COL15A1: variants seen among roughly 807,000 people sequenced by gnomAD.
COL15A1 encodes collagen alpha-1(XV) chain.
COL15A1 carries 111 observed loss-of-function variants against 165.9 expected under a neutral mutation model. The observed-to-expected ratio is 0.67, with a 90% CI of 0.57 to 0.78. The LOEUF is 0.78. COL15A1 is among the 30% of genes least tolerant of loss of function. The pLI is 0.00. For missense variants in COL15A1, 1,745 were observed against 1,789.7 expected, an observed-to-expected ratio of 0.98 and a Z score of 0.45; for synonymous variants, 659 against 674.8, an observed-to-expected ratio of 0.98 and a Z score of 0.36.
At chr9:99,022,633 C>G (rs1470404341) in intron 13 of COL15A1, among the ~76,000 whole-genome samples, 2 of 152,188 alleles carry the variant, frequency 1.3e-5, no homozygotes, top group Non-Finnish European at 2.9e-5. Flanking sequence ...CTTCCCTTCC[C>G]CCACACACAT....
At chr9:98,976,622 C>T (rs1164531032) in intron 2 of COL15A1, among the ~76,000 whole-genome samples, 1 of 152,172 alleles carries the variant, frequency 6.6e-6, no homozygotes. Flanking sequence ...GTGACTCTCA[C>T]CAGGGCCTCA....
At chr9:99,025,251 A>C (rs1011551806) in intron 15 of COL15A1, among the ~76,000 whole-genome samples, 1 of 152,220 alleles carries the variant, frequency 6.6e-6, no homozygotes, top group African/African-American at 2.4e-5. Flanking sequence ...CCCCCTACTT[A>C]CGAATGGTTC....
At chr9:98,973,650 A>G (rs962194935) in intron 2 of COL15A1, among the ~76,000 whole-genome samples, 1 of 152,176 alleles carries the variant, frequency 6.6e-6, no homozygotes, top group African/African-American at 2.4e-5. Flanking sequence ...CTGAGTTTCC[A>G]CACAGGCAGA....
chr9:99,042,069 A>G lies in COL15A1; in HGVS notation c.2536A>G (p.Thr846Ala), dbSNP rs780976487. ...GGGTCCTAGAGGACCAAAAGGTGAC[A>G]CTGGTTTACCTGGCTTTCCAGGACT... ...FPGPRGPKGD[T>A]GLPGFPGLKG... is the part of the protein sequence containing the mutation. Residue 846 changes from threonine (T) to alanine (A), a missense_variant, in exon 24 of 42, where the codon ACT (threonine) becomes GCT (alanine). Physicochemically the swap from Thr to Ala is moderately conservative, Grantham distance 58. Transcript: ENST00000375001. The G allele has an allele frequency of 3.7e-6, 6 of 1,612,230 alleles. No homozygotes were observed. Among genetic ancestry groups the G allele is most frequent in the Non-Finnish European group, 5.1e-6 (6 of 1,178,808 alleles).
intron 13 of COL15A1, among the ~76,000 whole-genome samples, chr9:99,023,061 A>T (rs1020072140): frequency 9.9e-5 from 15 of 152,134 alleles, no homozygotes; most frequent in African/African-American, 3.6e-4. Flanking sequence ...GAAACGGGGT[A>T]GGGAGGGCTT....
intron 2 of COL15A1, among the ~76,000 whole-genome samples, 165 bp downstream of exon 2, chr9:98,944,415 G>A (rs1837542196): frequency 6.6e-6 from 1 of 152,258 alleles, no homozygotes; most frequent in Non-Finnish European, 1.5e-5. Context: ...CCTCCTGGCA[G>A]TGCAGGGGTT....
chr9:99,060,938 A>T (rs1449302090), intron 36 of COL15A1, among the ~76,000 whole-genome samples: 1 of 152,194 alleles, frequency 6.6e-6, no homozygotes, highest in Non-Finnish European at 1.5e-5. Context: ...ATGTTACAAC[A>T]GGTCCTTGTG....
In COL15A1 at chr9:98,944,057, G is replaced by A; in HGVS notation, c.-5G>A. 1 of 1,614,042 alleles carries A rather than the reference G, an allele frequency of 6.2e-7. No individual in the cohort carries two copies. The highest frequency in any genetic ancestry group is 1.3e-5 in the African/African-American group (1 of 75,062). On this transcript the variant is annotated 5_prime_UTR_variant, in exon 1 of 42. Transcript: ENST00000375001. Reference sequence around the variant, plus strand: ...GCGCCTTCCGGGGCTCCGCAGACCCGCGAGATGGCACCAAGGTAAGACCCG... The same window carrying A: ...GCGCCTTCCGGGGCTCCGCAGACCCACGAGATGGCACCAAGGTAAGACCCG...
At chr9:99,023,228 C>T (rs1564063240) in intron 13 of COL15A1, 129 bp from the exon 14 acceptor site, 5 of 1,177,664 alleles carry the variant, frequency 4.2e-6, no homozygotes, top group Non-Finnish European at 5.7e-6. Flanking sequence ...AGAGAGAAAA[C>T]GGGGAGCAGA....
chr9:98,993,546 G>A (rs1307604711), intron 5 of COL15A1, among the ~76,000 whole-genome samples: 1 of 152,184 alleles, frequency 6.6e-6, no homozygotes, highest in Non-Finnish European at 1.5e-5. Context: ...TCTTCCACAT[G>A]CTTCCATTTC....
At chr9:99,023,567 G>T in intron 14 of COL15A1, 118 bp downstream of exon 14, 2 of 606,270 alleles carry the variant, frequency 3.3e-6, no homozygotes, top group Non-Finnish European at 6.1e-6. Context: ...GGGGTTGCCG[G>T]CAGTGAGCTC....
At chr9:98,995,289 G>A (rs1838524103) in intron 5 of COL15A1, among the ~76,000 whole-genome samples, 1 of 152,094 alleles carries the variant, frequency 6.6e-6, no homozygotes, top group South Asian at 2.1e-4. Context: ...GGTGCCTGCT[G>A]TCTGCTCCCA....
chr9:99,047,853 T>A lies in COL15A1; in HGVS notation c.2733+14T>A, dbSNP rs765669387. On this transcript the variant is annotated intron_variant, in intron 27 of 41. Coordinates refer to ENST00000375001, the MANE Select transcript of COL15A1 (RefSeq NM_001855.5). ...CCCGGGCGACCTGTAGGTATCAGTG[T>A]TCATTGGACAGGCTGGAGGGGGAGG... 9.3e-6 allele frequency: 15 copies of A among 1,613,466 alleles called. No individual in the cohort carries two copies. The highest frequency in any genetic ancestry group is 4.4e-5 in the South Asian group (4 of 91,044).
At position 99,016,045 on chromosome 9, in the gene COL15A1, G is replaced by A; in HGVS notation, c.1573G>A (p.Glu525Lys). Residue 525 changes from glutamate to lysine, a missense_variant, in exon 11 of 42, where the codon GAG (glutamate) becomes AAG (lysine). Physicochemically the swap from Glu to Lys is moderately conservative, Grantham distance 56. Transcript: ENST00000375001. ...GCCCCTCATCACAGCTGGGGGTGAA[G>A]AGTCCGGCAGCCCTCCCCCTGATGG... The part of the protein sequence containing the change: ...EEPLITAGGE[E>K]SGSPPPDGPP... 1 of 1,614,034 alleles carries A rather than the reference G, an allele frequency of 6.2e-7. No individual in the cohort carries two copies. The highest frequency in any genetic ancestry group is 8.5e-7 in the Non-Finnish European group (1 of 1,179,920).
At chr9:98,944,387 C>T (rs1241802944) in intron 2 of COL15A1, 137 bp downstream of exon 2, 3 of 876,050 alleles carry the variant, frequency 3.4e-6, no homozygotes, top group African/African-American at 3.3e-5. Flanking sequence ...TGCGCACTGG[C>T]GGTCCCGCGG....
chr9:98,946,979 C>T (rs552985232), intron 2 of COL15A1, among the ~76,000 whole-genome samples: 28 of 152,168 alleles, frequency 1.8e-4, no homozygotes, highest in East Asian at 3.8e-4. Context: ...ATGTTCCCAA[C>T]GATTTGGCAG....
chr9:99,037,970 C>T (rs917991993), intron 21 of COL15A1, among the ~76,000 whole-genome samples: 1 of 152,060 alleles, frequency 6.6e-6, no homozygotes. Context: ...GGAATGTGGG[C>T]TGGGACCAGA....
Position 99,055,026 on chromosome 9 carries a change from G to C in COL15A1, c.3032-76G>C, listed in dbSNP as rs1377238774. 4.0e-6 allele frequency: 5 copies of C among 1,253,670 alleles called. No individual in the cohort carries two copies. The African/African-American group carries it at 7.4e-5, about 19-fold the overall frequency. The allele number at this position is 1,253,670 out of a possible 1,614,324, so 77.7% of individuals were successfully genotyped here. A position where few individuals can be genotyped will look rare whatever the true frequency, so the allele number is the denominator to read the frequency against. The stretch of plus-strand genomic sequence containing the variant: ...TCACATCCACTAAGATGTAACTGTG[G>C]TTGCCAACTTAGAGACTTTTATTTT... On this transcript the variant is annotated intron_variant, in intron 32 of 41. Transcript: ENST00000375001.
intron 10 of COL15A1, 64 bp downstream of exon 10, chr9:99,015,630 C>A: frequency 1.3e-6 from 2 of 1,520,204 alleles, no homozygotes; most frequent in Non-Finnish European, 9.0e-7. Flanking sequence ...CATGCGACAA[C>A]AGTCATCCTT....
Sources: allele counts gnomAD v4.1 joint callset (sites outside exome capture counted in the v4.1 genomes callset), GRCh38; gene constraint gnomAD v4.1.1; transcripts MANE v1.5; gene names NCBI Gene and HGNC (gene_info 2026-07-23, HGNC 2026-07-21).